The following MYL10 variants were observed in gnomAD, a reference collection of about 807,000 sequenced individuals.
MYL10 encodes the protein myosin light chain 10, also known as myosin regulatory light chain 10.
A neutral mutation model predicts 21.9 loss-of-function variants in MYL10; 18 were observed. The observed-to-expected ratio is 0.82, with a 90% CI of 0.57 to 1.22. The LOEUF is 1.22. Ranked by LOEUF, MYL10 falls within the 50% of genes most tolerant of loss-of-function variation. The probability of loss-of-function intolerance (pLI) is 0.00; values close to 1 mark genes in which losing one functional copy is unlikely to be tolerated. For synonymous variants in MYL10, 88 were observed against 82.8 expected, an observed-to-expected ratio of 1.06 and a Z score of -0.34; for missense variants, 225 against 230.4, an observed-to-expected ratio of 0.98 and a Z score of 0.15.
chr7:101,614,919 C>T (rs902897946), intron 6 of MYL10, among the ~76,000 whole-genome samples: 1 of 152,204 alleles, frequency 6.6e-6, no homozygotes, highest in Non-Finnish European at 1.5e-5. Flanking sequence ...AGGAATCTCA[C>T]CTGCCCCAGG....
intron 4 of MYL10, 54 bp from the exon 5 acceptor site, chr7:101,622,254 C>T: frequency 7.2e-7 from 1 of 1,394,370 alleles, no homozygotes; most frequent in Non-Finnish European, 9.9e-7. Context: ...AGAGCTTGGG[C>T]CTCGGAGGAT....
At chr7:101,622,894 A>T in intron 4 of MYL10, 103 bp downstream of exon 4, 2 of 1,015,982 alleles carry the variant, frequency 2.0e-6, no homozygotes, top group Non-Finnish European at 2.9e-6. Context: ...TCCCCAGCAC[A>T]GGAGCCTCTC....
chr7:101,619,889 C>CAAAA (rs60752793), intron 5 of MYL10, among the ~76,000 whole-genome samples: 2,615 of 102,384 alleles, frequency 0.026, 205 homozygotes, highest in African/African-American at 0.096. Context: ...GACTCCGTCT[C>CAAAA]AAAAAAAAAA....
At chr7:101,628,220 A>G (rs1796769380) in intron 1 of MYL10, among the ~76,000 whole-genome samples, 1 of 152,186 alleles carries the variant, frequency 6.6e-6, no homozygotes, top group African/African-American at 2.4e-5. Context: ...TTCGGAGGCC[A>G]AGAGGGAAGG....
At chr7:101,628,233 C>T (rs898061033) in intron 1 of MYL10, among the ~76,000 whole-genome samples, 3 of 152,148 alleles carry the variant, frequency 2.0e-5, no homozygotes, top group Middle Eastern at 3.2e-3. Context: ...AGGGAAGGAT[C>T]GCTTCAGGCC....
In MYL10 at chr7:101,629,041, C is replaced by A. The variant is rs1215475185; in HGVS notation, c.78G>T (p.Gln26His). The change falls in exon 1 of 8, where the codon CAG becomes CAT. Residue 26 changes from glutamine (Q) to histidine (H), a missense_variant and splice_region_variant. Physicochemically the swap from Gln to His is conservative, Grantham distance 24 (BLOSUM62 0). Transcript: ENST00000223167. ...AGAGGCCAGGCACAGTGGCTCATAC[C>A]TGTAATCCCAGCACTTTGGGAGGCC... ...PPRPPKVLGL[Q>H]APRRARKRAE... 6.7e-6 allele frequency: 3 copies of A among 449,098 alleles called. No individual in the cohort carries two copies. The highest frequency in any genetic ancestry group is 1.3e-5 in the Non-Finnish European group (3 of 224,818). 27.8% of individuals were successfully genotyped at this position (449,098 alleles called of 1,614,324 possible).
At chr7:101,625,198 T>C (rs954421221) in intron 1 of MYL10, among the ~76,000 whole-genome samples, 4 of 152,254 alleles carry the variant, frequency 2.6e-5, no homozygotes, top group African/African-American at 4.8e-5. Flanking sequence ...TCAGATGGTT[T>C]CTGGCCAGCC....
intron 5 of MYL10, among the ~76,000 whole-genome samples, chr7:101,618,878 C>T (rs1417435625): frequency 1.3e-5 from 2 of 152,244 alleles, no homozygotes; most frequent in Non-Finnish European, 2.9e-5. Context: ...TGGACCGACA[C>T]GAGCTTTTAG....
At chr7:101,623,193 C>T in intron 3 of MYL10, 121 bp from the exon 4 acceptor site, 1 of 797,986 alleles carries the variant, frequency 1.3e-6, no homozygotes, top group Non-Finnish European at 2.0e-6. Flanking sequence ...TCTGGCAGCC[C>T]AGCTGGGATG....
intron 6 of MYL10, among the ~76,000 whole-genome samples, chr7:101,615,738 A>T (rs1329167185): frequency 7.7e-6 from 1 of 129,378 alleles, no homozygotes; most frequent in African/African-American, 3.0e-5. Flanking sequence ...TCTGTCGCCC[A>T]GTCTGGAGTG....
At chr7:101,621,051 A>T (rs1338820719) in intron 5 of MYL10, among the ~76,000 whole-genome samples, 3 of 151,858 alleles carry the variant, frequency 2.0e-5, no homozygotes, top group Non-Finnish European at 4.4e-5. Context: ...CGCCTCCCAG[A>T]GTGCTGGGAT....
intron 5 of MYL10, among the ~76,000 whole-genome samples, chr7:101,621,894 G>A (rs149871761): frequency 1.5e-3 from 231 of 152,268 alleles, no homozygotes; most frequent in African/African-American, 5.1e-3. Context: ...CCAAGGCAGG[G>A]GTCTTTATAG....
At chr7:101,616,755 A>C (rs1796614305) in intron 5 of MYL10, among the ~76,000 whole-genome samples, 1 of 152,084 alleles carries the variant, frequency 6.6e-6, no homozygotes, top group Non-Finnish European at 1.5e-5. Flanking sequence ...CCGTGGGTGG[A>C]GGAAAAAGAG....
At chr7:101,619,483 T>C (rs2130738417) in intron 5 of MYL10, among the ~76,000 whole-genome samples, 1 of 152,338 alleles carries the variant, frequency 6.6e-6, no homozygotes, top group African/African-American at 2.4e-5. Flanking sequence ...TGGAGGCTGC[T>C]CTACCCCACA....
intron 5 of MYL10, among the ~76,000 whole-genome samples, chr7:101,620,282 G>A (rs532587096): frequency 2.0e-5 from 3 of 151,944 alleles, no homozygotes; most frequent in Non-Finnish European, 2.9e-5. Context: ...CTGAGATGGC[G>A]CCATTATACT....
intron 6 of MYL10, among the ~76,000 whole-genome samples, chr7:101,614,870 C>G (rs1294235858): frequency 6.6e-6 from 1 of 152,180 alleles, no homozygotes; most frequent in Non-Finnish European, 1.5e-5. Context: ...TGAAGGCTGG[C>G]AGCATTACAG....
chr7:101,613,796 G>T (rs536643003), intron 6 of MYL10, 86 bp from the exon 7 acceptor site: 2 of 1,259,864 alleles, frequency 1.6e-6, no homozygotes, highest in Non-Finnish European at 1.2e-6. Flanking sequence ...AGGGGCAAGT[G>T]GGGGCAGGGG....
At chr7:101,619,515 T>G (rs1796651364) in intron 5 of MYL10, among the ~76,000 whole-genome samples, 1 of 152,136 alleles carries the variant, frequency 6.6e-6, no homozygotes, top group Non-Finnish European at 1.5e-5. Flanking sequence ...CCCATGACAG[T>G]ACTGATTTTT....
At chr7:101,625,074 C>A (rs907286419) in intron 1 of MYL10, among the ~76,000 whole-genome samples, 1 of 152,208 alleles carries the variant, frequency 6.6e-6, no homozygotes, top group Admixed American at 6.5e-5. Flanking sequence ...TCTCTCCTAT[C>A]CCCACCCTGA....
Sources: gnomAD v4.1 joint callset for allele counts (sites outside exome capture counted in the v4.1 genomes callset) on GRCh38, gnomAD v4.1.1 for gene constraint, MANE v1.5 for transcripts, NCBI Gene and HGNC (gene_info 2026-07-23, HGNC 2026-07-21) for gene names.